Variants in SHD observed in about 807,000 individuals in gnomAD.
SHD encodes Src homology 2 domain containing transforming protein D, also known as SH2 domain-containing adapter protein D.
SHD carries 29 observed loss-of-function variants against 31.2 expected under a neutral mutation model. The ratio of observed to expected loss-of-function variants is 0.93; its 90% CI spans 0.69 to 1.27. SHD has a LOEUF of 1.27. Among genes scored for constraint, SHD ranks in the 50% most tolerant of loss-of-function variants. SHD has a pLI of 0.00. For synonymous variants in SHD, 208 were observed against 187.8 expected (o/e 1.11, Z -0.88); for missense variants, 520 against 453.8 (o/e 1.15, Z -1.33).
chr19:4,279,580 G>A lies in SHD; in HGVS notation c.-484G>A, dbSNP rs1971233901. ...CCCTGGGGAGCCCGCCCGCTGCGCT[G>A]AGAACCCAGGCGTCCGGGCTGGGAG... On this transcript the variant is annotated 5_prime_UTR_variant, in exon 1 of 6. It removes the in-frame stop codon of an upstream open reading frame in the 5' UTR. Coordinates refer to ENST00000543264, the MANE Select transcript of SHD (RefSeq NM_020209.4). This position sits in a 1 kb window ranked among gnomAD's most constrained non-coding sequence, Gnocchi z 7.5. The A allele has an allele frequency of 6.5e-6, 1 of 153,338 alleles. No individual in the cohort carries two copies. Among genetic ancestry groups the A allele is most frequent in the Non-Finnish European group, 1.5e-5 (1 of 68,918 alleles). 9.5% of individuals were successfully genotyped at this position (153,338 alleles called of 1,614,324 possible).
In SHD at chr19:4,279,765, CCCAGCGCGCGGGG is replaced by C. The variant is rs1443195094; in HGVS notation, c.-298_-286del. 70 of 406,644 alleles carry C rather than the reference CCCAGCGCGCGGGG, an allele frequency of 1.7e-4. No homozygotes were observed. The highest frequency in any genetic ancestry group is 1.4e-3 in the African/African-American group (68 of 48,246). 25.2% of individuals were successfully genotyped at this position (406,644 alleles called of 1,614,324 possible). A position where few individuals can be genotyped will look rare whatever the true frequency, so the allele number is the denominator to read the frequency against. ...TCCGCGGATGCCCCTCGCCCTAGCCCCCAGCGCGCGGGGTTCGGGGCCCTGCGAGGTCCCCCCT... is the reference window on the plus strand; with the variant it reads ...TCCGCGGATGCCCCTCGCCCTAGCCCTTCGGGGCCCTGCGAGGTCCCCCCT... On this transcript the variant is annotated 5_prime_UTR_variant, in exon 1 of 6. It removes the in-frame stop codon of an upstream open reading frame in the 5' UTR. Transcript: ENST00000543264. The surrounding 1 kb of genome is among the most constrained non-coding windows in gnomAD (Gnocchi z 7.5).
rs757538858 is a variant in SHD at position 4,290,479 on chromosome 19, C to T, written c.869C>T (p.Ala290Val). The change falls in exon 6 of 6, where the codon GCG (alanine) becomes GTG (valine). Residue 290 changes from alanine (A) to valine (V), a missense_variant. By Grantham distance (64) the Ala-to-Val change is moderately conservative. Transcript: ENST00000543264. ...SSQGFLHLKF[A>V]RTRENQVVLG... The stretch of plus-strand genomic sequence containing the variant: ...CAGGGCTTCCTGCATCTGAAGTTCG[C>T]GCGGACCCGTGAGAACCAGGTGGTG... 6 of 1,613,126 alleles carry T rather than the reference C, an allele frequency of 3.7e-6. No individual in the cohort carries two copies. The East Asian group carries it at 6.7e-5, about 18-fold the overall frequency.
chr19:4,280,173 A>C lies in SHD; in HGVS notation c.110A>C (p.Gln37Pro), dbSNP rs1221758593. 2.5e-6 allele frequency: 4 copies of C among 1,613,176 alleles called. No homozygotes were observed. The highest frequency in any genetic ancestry group is 2.7e-5 in the African/African-American group (2 of 74,606). ...GACATCCTGAGGGCCTACCGCGCGCAGAAGAACCTGGACTTCGAGGACCCC... is the reference window on the plus strand; with the variant it reads ...GACATCCTGAGGGCCTACCGCGCGCCGAAGAACCTGGACTTCGAGGACCCC... ...ESDILRAYRAQKNLDFEDPYE... is the reference protein window; with the variant it reads ...ESDILRAYRAPKNLDFEDPYE... Residue 37 changes from glutamine to proline, a missense_variant, in exon 1 of 6, where the codon CAG becomes CCG. Physicochemically the swap from Gln to Pro is moderately conservative, Grantham distance 76. Transcript: ENST00000543264.
At chr19:4,289,869 C>A (rs1047054083) in intron 5 of SHD, among the ~76,000 whole-genome samples, 5 of 150,964 alleles carry the variant, frequency 3.3e-5, no homozygotes, top group African/African-American at 1.2e-4. Context: ...CCGCGCCCAG[C>A]CTATTTTTTT....
rs1040661927 is a variant in SHD, at chr19:4,279,880, C to T, written c.-184C>T. ...CCTCTGTCGCCTCCTTTTCCTCCCC[C>T]TCGTTCACCTTTTCCTTCCCTCTAT... On this transcript the variant is annotated 5_prime_UTR_variant, in exon 1 of 6. Coordinates refer to ENST00000543264, the MANE Select transcript of SHD (RefSeq NM_020209.4). This position sits in a 1 kb window ranked among gnomAD's most constrained non-coding sequence, Gnocchi z 7.5. The T allele has an allele frequency of 4.3e-6, 3 of 698,658 alleles. No homozygotes were observed. The highest frequency in any genetic ancestry group is 1.8e-5 in the African/African-American group (1 of 55,456). The allele number at this position is 698,658 out of a possible 1,614,324, so 43.3% of individuals were successfully genotyped here. A position where few individuals can be genotyped will look rare whatever the true frequency, so the allele number is the denominator to read the frequency against.
rs765881464 is a variant in SHD, at chr19:4,284,783, C to A, written c.595C>A (p.Gln199Lys). ...TCCTCTCTAAATCTCCTTTCCAGTG[C>A]AGTTTGACAGTCCAGAGTGGGAGAG... ...KDHISRAFAV[Q>K]FDSPEWERTP... Residue 199 changes from glutamine (Q) to lysine (K), a missense_variant and splice_region_variant, in exon 4 of 6, where the codon CAG becomes AAG. By Grantham distance (53) the Gln-to-Lys change is moderately conservative. Coordinates refer to ENST00000543264, the MANE Select transcript of SHD (RefSeq NM_020209.4). 1.3e-6 allele frequency: 2 copies of A among 1,599,842 alleles called. No individual in the cohort carries two copies. Among genetic ancestry groups the A allele is most frequent in the East Asian group, 4.6e-5 (2 of 43,760 alleles).
chr19:4,287,550 C>T (rs956438470), intron 4 of SHD, among the ~76,000 whole-genome samples: 2 of 151,718 alleles, frequency 1.3e-5, no homozygotes, highest in African/African-American at 4.8e-5. Context: ...TTTGGGAGGC[C>T]AAGGAGGGCA....
At position 4,290,488 on chromosome 19, in the gene SHD, G is replaced by T. The variant is rs777477718; in HGVS notation, c.878G>T (p.Arg293Leu). Residue 293 changes from arginine (R) to leucine (L), a missense_variant, in exon 6 of 6, where the codon CGT (arginine) becomes CTT (leucine). Arg to Leu is a moderately radical substitution (Grantham distance 102). Transcript: ENST00000543264. ...CTGCATCTGAAGTTCGCGCGGACCCGTGAGAACCAGGTGGTGCTGGGCCAA... is the reference window on the plus strand; with the variant it reads ...CTGCATCTGAAGTTCGCGCGGACCCTTGAGAACCAGGTGGTGCTGGGCCAA... ...GFLHLKFART[R>L]ENQVVLGQHS... 9.9e-6 allele frequency: 16 copies of T among 1,613,326 alleles called. No individual in the cohort carries two copies. Among genetic ancestry groups the T allele is most frequent in the Non-Finnish European group, 1.4e-5 (16 of 1,179,956 alleles).
Position 4,284,856 on chromosome 19 carries a change from C to G in SHD, c.668C>G (p.Pro223Arg). 1 of 1,612,862 alleles carries G rather than the reference C, an allele frequency of 6.2e-7. No individual in the cohort carries two copies. Among genetic ancestry groups the G allele is most frequent in the East Asian group, 2.2e-5 (1 of 44,792 alleles). ...KELRRPPPRS[P>R]QPAERVDPAL... is the part of the protein sequence containing the mutation. ...CTCCGGAGACCTCCGCCCAGAAGCC[C>G]CCAGCCTGCGGAGCGTGTGGACCCA... The change falls in exon 4 of 6, where the codon CCC (proline) becomes CGC (arginine). Residue 223 changes from proline (P) to arginine (R), a missense_variant. Physicochemically the swap from Pro to Arg is moderately radical, Grantham distance 103. Transcript: ENST00000543264.
At position 4,284,912 on chromosome 19, in the gene SHD, G is replaced by C. The variant is rs749619244; in HGVS notation, c.716+8G>C. On this transcript the variant is annotated splice_region_variant and intron_variant, in intron 4 of 5. Coordinates refer to ENST00000543264, the MANE Select transcript of SHD (RefSeq NM_020209.4). The stretch of plus-strand genomic sequence containing the variant: ...GCCCCTGGAGAAACAGCCGTGAGTG[G>C]GGAAGCTGAAGGTGGAAGAGCCCCG... 1.4e-5 allele frequency: 22 copies of C among 1,584,322 alleles called. No individual in the cohort carries two copies. Among genetic ancestry groups the C allele is most frequent in the Non-Finnish European group, 1.9e-5 (22 of 1,162,838 alleles).
chr19:4,290,410 G>C lies in SHD; in HGVS notation c.837-37G>C. The C allele has an allele frequency of 1.9e-6, 3 of 1,585,576 alleles. No homozygotes were observed. The South Asian group carries it at 3.5e-5, about 18-fold the overall frequency. On this transcript the variant is annotated intron_variant, in intron 5 of 5. Coordinates refer to ENST00000543264, the MANE Select transcript of SHD (RefSeq NM_020209.4). ...GGATGGTGCCTTTCTGGGTGGGTCC[G>C]GGATGCTCAGGAGTCCCTTTCTCCC...
chr19:4,284,900 C>T lies in SHD; in HGVS notation c.712C>T (p.Gln238Ter). ...GGACCCAGCCCTGCCCCTGGAGAAACAGCCGTGAGTGGGGAAGCTGAAGGT... is the reference window on the plus strand; with the variant it reads ...GGACCCAGCCCTGCCCCTGGAGAAATAGCCGTGAGTGGGGAAGCTGAAGGT... ...RVDPALPLEK[Q>*]PWFHGPLNRA... Residue 238 changes from glutamine (Q) to a stop codon, truncating the protein, a stop_gained, in exon 4 of 6, where the codon CAG becomes TAG. Coordinates refer to ENST00000543264, the MANE Select transcript of SHD (RefSeq NM_020209.4). LOFTEE classifies it high-confidence loss of function. 1 of 1,595,636 alleles carries T rather than the reference C, an allele frequency of 6.3e-7. No homozygotes were observed. The highest frequency in any genetic ancestry group is 8.6e-7 in the Non-Finnish European group (1 of 1,169,162).
In SHD at chr19:4,279,997, A is replaced by G. The variant is rs1971239441; in HGVS notation, c.-67A>G. On this transcript the variant is annotated 5_prime_UTR_variant, in exon 1 of 6. Coordinates refer to ENST00000543264, the MANE Select transcript of SHD (RefSeq NM_020209.4). The surrounding 1 kb of genome is among the most constrained non-coding windows in gnomAD (Gnocchi z 7.5). ...CCACCTCCTCCTCCTCCTTGGGGAA[A>G]GGGGCCCGGAGAAGGGCATGTGGGG... The G allele has an allele frequency of 4.1e-6, 6 of 1,474,562 alleles. No homozygotes were observed. The highest frequency in any genetic ancestry group is 5.2e-5 in the Admixed American group (2 of 38,200). 91.3% of individuals were successfully genotyped at this position (1,474,562 alleles called of 1,614,324 possible). A position where few individuals can be genotyped will look rare whatever the true frequency, so the allele number is the denominator to read the frequency against.
chr19:4,282,671 C>T (rs1235982031), intron 1 of SHD, among the ~76,000 whole-genome samples, 199 bp from the exon 2 acceptor site: 1 of 151,076 alleles, frequency 6.6e-6, no homozygotes, highest in East Asian at 1.9e-4. Flanking sequence ...AGCCCAGATC[C>T]CGCCACTGCA....
chr19:4,286,267 C>A (rs1420452822), intron 4 of SHD, among the ~76,000 whole-genome samples: 3 of 119,734 alleles, frequency 2.5e-5, no homozygotes, highest in Non-Finnish European at 3.7e-5. Context: ...TTCTCTCTTT[C>A]TTTCTTTCTT....
At chr19:4,282,757 T>TA (rs1971269101) in intron 1 of SHD, 113 bp from the exon 2 acceptor site, 2 of 484,894 alleles carry the variant, frequency 4.1e-6, no homozygotes, top group Non-Finnish European at 6.9e-6. Flanking sequence ...AATAAAAAAA[T>TA]AAAAACTCTT....
At chr19:4,286,259 C>CTT (rs1319421416) in intron 4 of SHD, among the ~76,000 whole-genome samples, 4 of 115,312 alleles carry the variant, frequency 3.5e-5, no homozygotes, top group African/African-American at 1.4e-4. Flanking sequence ...TTCTTTCTTT[C>CTT]TCTCTTTCTT....
intron 1 of SHD, 42 bp downstream of exon 1, chr19:4,280,402 G>A: frequency 6.6e-7 from 1 of 1,515,872 alleles, no homozygotes; most frequent in South Asian, 1.3e-5. Flanking sequence ...TGGAGGGGAG[G>A]CTCAGGATGG....
Position 4,289,715 on chromosome 19 carries a change from C to T in SHD, c.837-732C>T, listed in dbSNP as rs570241407. Among the ~76,000 whole-genome samples, 614 of 151,234 alleles carry T rather than the reference C, an allele frequency of 4.1e-3. 9 individuals are homozygous for T. Among genetic ancestry groups the T allele is most frequent in the African/African-American group, 0.013 (555 of 41,196 alleles). ...CCTCCCGAGTAGCTGGGACTACAGGCGCCCACCACCACACCCAGCTAATTT... is the reference window on the plus strand; with the variant it reads ...CCTCCCGAGTAGCTGGGACTACAGGTGCCCACCACCACACCCAGCTAATTT... On this transcript the variant is annotated intron_variant, in intron 5 of 5. Coordinates refer to ENST00000543264, the MANE Select transcript of SHD (RefSeq NM_020209.4).
Sources: gnomAD v4.1 joint callset for allele counts (sites outside exome capture counted in the v4.1 genomes callset) on GRCh38, gnomAD v4.1.1 for gene constraint, Gnocchi (gnomAD v3.1) non-coding constraint, MANE v1.5 for transcripts, NCBI Gene and HGNC (gene_info 2026-07-23, HGNC 2026-07-21) for gene names.